The following BTG4 variants were observed in gnomAD, a reference collection of about 807,000 sequenced individuals.
BTG4 encodes BTG anti-proliferation factor 4, also known as protein BTG4.
BTG4 carries 10 observed loss-of-function variants against 19.3 expected under a neutral mutation model. The observed-to-expected ratio is 0.52, with a 90% CI of 0.32 to 0.88. The LOEUF (loss-of-function observed/expected upper bound fraction) is 0.88. Ranked by LOEUF, BTG4 falls within the 40% of genes least tolerant of loss-of-function variation. The pLI, the probability that BTG4 is intolerant of heterozygous loss-of-function variation, is 0.04. For synonymous variants in BTG4, 91 were observed against 95.7 expected, an observed-to-expected ratio of 0.95 and a Z score of 0.29; for missense variants, 238 against 281.9, an observed-to-expected ratio of 0.84 and a Z score of 1.11.
At chr11:111,410,402 T>A in the BTG4 span, among the ~76,000 whole-genome samples, 1 of 152,206 alleles carries the variant, frequency 6.6e-6, no homozygotes, top group South Asian at 2.1e-4. Context: ...CCATGAGCCC[T>A]CTAGCCTAGG....
intron 1 of BTG4, among the ~76,000 whole-genome samples, chr11:111,509,186 T>C (rs946685834): frequency 1.3e-5 from 2 of 152,184 alleles, no homozygotes; most frequent in Non-Finnish European, 2.9e-5. Flanking sequence ...CCGCTGGCAG[T>C]TCATTTTAGC....
At chr11:111,408,032 G>A in the BTG4 span, among the ~76,000 whole-genome samples, 2 of 152,210 alleles carry the variant, frequency 1.3e-5, no homozygotes, top group East Asian at 1.9e-4. Context: ...CTCCATCAGT[G>A]CAAGTGAAAG....
the BTG4 span, among the ~76,000 whole-genome samples, chr11:111,432,249 G>A: frequency 6.6e-6 from 1 of 152,152 alleles, no homozygotes; most frequent in Non-Finnish European, 1.5e-5. Context: ...TGAAGGAGTT[G>A]GATCCTGGTC....
the BTG4 span, chr11:111,454,425 C>T: frequency 1.7e-5 from 7 of 411,852 alleles, no homozygotes; most frequent in Admixed American, 1.2e-4. Flanking sequence ...GAAAGAGTCT[C>T]CTCTTCAGGA....
At chr11:111,445,635 G>GTTC in the BTG4 span, among the ~76,000 whole-genome samples, 1 of 152,190 alleles carries the variant, frequency 6.6e-6, no homozygotes, top group African/African-American at 2.4e-5. Flanking sequence ...GAGAACAATT[G>GTTC]TTCTCTAATT....
the BTG4 span, among the ~76,000 whole-genome samples, chr11:111,389,339 C>T: frequency 1.3e-5 from 2 of 152,022 alleles, no homozygotes; most frequent in Admixed American, 6.5e-5. Flanking sequence ...ATAACGACAA[C>T]TCAAAATTTT....
At chr11:111,436,682 G>A in the BTG4 span, among the ~76,000 whole-genome samples, 12 of 151,890 alleles carry the variant, frequency 7.9e-5, no homozygotes, top group African/African-American at 2.7e-4. Flanking sequence ...GGCCTGAGGG[G>A]TCCAGGCAGA....
chr11:111,459,944 G>C, the BTG4 span, among the ~76,000 whole-genome samples: 4 of 152,032 alleles, frequency 2.6e-5, no homozygotes, highest in African/African-American at 9.7e-5. Context: ...AATTAAAGGT[G>C]CCCAAAGATT....
the BTG4 span, among the ~76,000 whole-genome samples, chr11:111,400,519 T>C: frequency 3.3e-5 from 5 of 152,332 alleles, no homozygotes; most frequent in African/African-American, 1.2e-4. Flanking sequence ...TAATATAGCA[T>C]AACTTTAACA....
chr11:111,444,579 A>G, the BTG4 span, among the ~76,000 whole-genome samples: 1 of 152,220 alleles, frequency 6.6e-6, no homozygotes, highest in South Asian at 2.1e-4. Flanking sequence ...ACTTCATTGC[A>G]CATTTTAAAC....
downstream of BTG4, among the ~76,000 whole-genome samples, chr11:111,493,737 T>G (rs1404526298): frequency 6.6e-6 from 1 of 152,158 alleles, no homozygotes; most frequent in East Asian, 1.9e-4. Context: ...GCAGAGAAAC[T>G]TGACCTCATA....
intron 5 of BTG4, among the ~76,000 whole-genome samples, chr11:111,470,333 C>T (rs1863987803): frequency 6.6e-6 from 1 of 152,108 alleles, no homozygotes; most frequent in Non-Finnish European, 1.5e-5. Flanking sequence ...TTCCACCTGC[C>T]TCAGTGTTCC....
the BTG4 span, among the ~76,000 whole-genome samples, chr11:111,403,977 A>G: frequency 6.6e-6 from 1 of 152,156 alleles, no homozygotes; most frequent in Non-Finnish European, 1.5e-5. Context: ...TCATATATCC[A>G]TTGATATGGT....
chr11:111,475,183 T>C (rs1190931425), intron 5 of BTG4: 1 of 152,602 alleles, frequency 6.6e-6, no homozygotes, highest in Non-Finnish European at 1.5e-5. Context: ...ATGAAGCTGA[T>C]AAGAATTATT....
At chr11:111,405,008 A>G in the BTG4 span, among the ~76,000 whole-genome samples, 13 of 152,296 alleles carry the variant, frequency 8.5e-5, no homozygotes, top group South Asian at 2.7e-3. Flanking sequence ...TCCCAGCACT[A>G]TGCTGGTCAT....
At chr11:111,407,471 G>C in the BTG4 span, among the ~76,000 whole-genome samples, 4 of 152,228 alleles carry the variant, frequency 2.6e-5, no homozygotes, top group Admixed American at 6.5e-5. Flanking sequence ...AGGAGTTCAA[G>C]ACCAGCCTGA....
chr11:111,432,173 C>G, the BTG4 span, among the ~76,000 whole-genome samples: 2 of 152,172 alleles, frequency 1.3e-5, no homozygotes, highest in African/African-American at 4.8e-5. Flanking sequence ...AGCTAGAGCC[C>G]TGCCCTCAGG....
the BTG4 span, chr11:111,457,244 T>C: frequency 2.6e-5 from 4 of 152,774 alleles, no homozygotes; most frequent in African/African-American, 9.7e-5. Flanking sequence ...GCTGTGAATC[T>C]GCACCCCCAA....
chr11:111,469,092 G>C (rs1863897742), intron 5 of BTG4: 1 of 152,236 alleles, frequency 6.6e-6, no homozygotes, highest in Non-Finnish European at 1.5e-5. Flanking sequence ...ATTAGGGCCA[G>C]AGAGTATTGT....
Sources: allele counts gnomAD v4.1 joint callset (sites outside exome capture counted in the v4.1 genomes callset), GRCh38; gene constraint gnomAD v4.1.1; transcripts MANE v1.5; gene names NCBI Gene and HGNC (gene_info 2026-07-23, HGNC 2026-07-21).